NALCN: variants seen among roughly 807,000 people sequenced by gnomAD.
NALCN encodes the protein sodium leak channel NALCN.
NALCN carries 111 observed loss-of-function variants against 225.3 expected under a neutral mutation model. The ratio of observed to expected loss-of-function variants is 0.49; its 90% CI spans 0.42 to 0.58. The LOEUF (loss-of-function observed/expected upper bound fraction) is 0.58, where lower values mean the gene tolerates loss of function less well. Ranked by LOEUF, NALCN falls within the 20% of genes least tolerant of loss-of-function variation. NALCN has a pLI of 0.00. For missense variants in NALCN, 1,378 were observed against 2,202.4 expected (o/e 0.63, Z 7.49); for synonymous variants, 764 against 769.0 (o/e 0.99, Z 0.11).
chr13:101,136,944 C>T (rs2036829956), intron 17 of NALCN, among the ~76,000 whole-genome samples: 1 of 152,202 alleles, frequency 6.6e-6, no homozygotes, highest in African/African-American at 2.4e-5. Flanking sequence ...TCCTATTTCT[C>T]CACATCCTCT....
intron 7 of NALCN, among the ~76,000 whole-genome samples, chr13:101,307,733 C>T (rs1040711634): frequency 1.3e-5 from 2 of 152,112 alleles, no homozygotes; most frequent in African/African-American, 4.8e-5. Context: ...AGCAATAGTT[C>T]TTCTGTGCTT....
At chr13:101,167,262 T>G (rs536628742) in intron 15 of NALCN, among the ~76,000 whole-genome samples, 10 of 152,228 alleles carry the variant, frequency 6.6e-5, no homozygotes, top group Non-Finnish European at 1.5e-4. Context: ...TCATTGGAAT[T>G]TTACGAAAGA....
intron 18 of NALCN, among the ~76,000 whole-genome samples, chr13:101,112,067 A>G (rs568909544): frequency 1.3e-5 from 2 of 152,192 alleles, no homozygotes; most frequent in African/African-American, 2.4e-5. Flanking sequence ...AGCAAAAATG[A>G]GTCATAAAGA....
intron 3 of NALCN, among the ~76,000 whole-genome samples, chr13:101,383,330 A>C (rs2046900276): frequency 6.6e-6 from 1 of 152,138 alleles, no homozygotes; most frequent in African/African-American, 2.4e-5. Flanking sequence ...TGGTCTCTCC[A>C]ACTTATTGGA....
At chr13:101,163,902 G>T (rs1207198417) in intron 15 of NALCN, among the ~76,000 whole-genome samples, 1 of 152,164 alleles carries the variant, frequency 6.6e-6, no homozygotes, top group Non-Finnish European at 1.5e-5. Flanking sequence ...TCTACTCCAT[G>T]GGACTTTTCC....
intron 6 of NALCN, among the ~76,000 whole-genome samples, chr13:101,346,032 T>G (rs998074715): frequency 7.0e-6 from 1 of 142,806 alleles, no homozygotes. Flanking sequence ...TAATTGGTAA[T>G]ATATATATGA....
Position 101,104,069 on chromosome 13 carries a change from T to C in NALCN, c.2889+226A>G, listed in dbSNP as rs1470350047. Among the ~76,000 whole-genome samples, 4 of 152,194 alleles carry C rather than the reference T, an allele frequency of 2.6e-5. No homozygotes were observed. The highest frequency in any genetic ancestry group is 4.4e-5 in the Non-Finnish European group (3 of 68,046). On this transcript the variant is annotated intron_variant, in intron 25 of 43. Transcript: ENST00000251127. This position sits in a 1 kb window ranked among gnomAD's most constrained non-coding sequence, Gnocchi z 4.2. Reference sequence around the variant, plus strand: ...CATTCATACATAAAATTGTGATTAGTGTATTTGAACAATATAACTATCCAT... The same window carrying C: ...CATTCATACATAAAATTGTGATTAGCGTATTTGAACAATATAACTATCCAT...
At chr13:101,256,883 C>A (rs2042248526) in intron 11 of NALCN, among the ~76,000 whole-genome samples, 1 of 151,704 alleles carries the variant, frequency 6.6e-6, no homozygotes, top group Non-Finnish European at 1.5e-5. Context: ...CCTGCCTCAG[C>A]CTCCAGAGTA....
At chr13:101,398,493 T>C (rs1195463833) in intron 2 of NALCN, among the ~76,000 whole-genome samples, 2 of 152,200 alleles carry the variant, frequency 1.3e-5, no homozygotes, top group Non-Finnish European at 2.9e-5. Flanking sequence ...TGGCACACAG[T>C]CGTGCCTGGC....
At chr13:101,196,002 G>A (rs1788850275) in intron 13 of NALCN, among the ~76,000 whole-genome samples, 2 of 152,032 alleles carry the variant, frequency 1.3e-5, no homozygotes, top group South Asian at 4.1e-4. Context: ...TGTTTCCTAT[G>A]AAAACATTGC....
intron 3 of NALCN, among the ~76,000 whole-genome samples, chr13:101,387,039 G>A (rs2047008016): frequency 6.6e-6 from 1 of 151,146 alleles, no homozygotes; most frequent in African/African-American, 2.4e-5. Flanking sequence ...GGCTAACAAG[G>A]TGAAACCCCG....
chr13:101,187,156 G>A (rs990998074), intron 14 of NALCN, among the ~76,000 whole-genome samples: 3 of 152,176 alleles, frequency 2.0e-5, no homozygotes, highest in African/African-American at 7.2e-5. Context: ...GAGACAGAGA[G>A]AGAATGCGTA....
chr13:101,107,983 G>A (rs2035229007), intron 20 of NALCN, among the ~76,000 whole-genome samples, 194 bp from the exon 21 acceptor site: 1 of 147,456 alleles, frequency 6.8e-6, no homozygotes. Context: ...TATACTAAAT[G>A]TATATATTTA....
chr13:101,381,871 T>C (rs1315967193), intron 3 of NALCN, among the ~76,000 whole-genome samples: 1 of 152,016 alleles, frequency 6.6e-6, no homozygotes, highest in African/African-American at 2.4e-5. Flanking sequence ...AAAAGAAAAG[T>C]ATCACTTCAT....
Position 101,107,514 on chromosome 13 carries a change from C to T in NALCN, c.2552G>A (p.Arg851Gln), listed in dbSNP as rs201701394. Residue 851 changes from arginine (R) to glutamine (Q), a missense_variant, in exon 22 of 44, where the codon CGG becomes CAG. By Grantham distance (43) the Arg-to-Gln change is conservative. Coordinates refer to ENST00000251127, the MANE Select transcript of NALCN (RefSeq NM_052867.4). ...GREHRFRNFC[R>Q]VVVRARFNAS... ...GTTGAAGCGTGCTCGGACCACCACC[C>T]GGCAAAAGTTTCTGAACCTGTGTTC... is the stretch of plus-strand genomic sequence containing the variant. 1.9e-5 allele frequency: 30 copies of T among 1,614,144 alleles called. No individual in the cohort carries two copies. The highest frequency in any genetic ancestry group is 1.0e-4 in the Admixed American group (6 of 60,022).
chr13:101,152,377 T>C (rs1335129197), intron 15 of NALCN, among the ~76,000 whole-genome samples: 2 of 152,166 alleles, frequency 1.3e-5, no homozygotes, highest in African/African-American at 4.8e-5. Flanking sequence ...GTTTGTTGGT[T>C]TGGGAGCTCA....
chr13:101,206,199 C>T (rs1180674563), intron 13 of NALCN, among the ~76,000 whole-genome samples: 4 of 151,942 alleles, frequency 2.6e-5, no homozygotes, highest in Non-Finnish European at 5.9e-5. Flanking sequence ...CACCCAATTC[C>T]TGCCTTCCTC....
At chr13:101,083,408 A>C (rs1329002035) in intron 31 of NALCN, among the ~76,000 whole-genome samples, 1 of 152,254 alleles carries the variant, frequency 6.6e-6, no homozygotes, top group Non-Finnish European at 1.5e-5. Flanking sequence ...GGAGAAGTGC[A>C]TCATTCAATT....
At chr13:101,316,968 C>A (rs1415867) in intron 7 of NALCN, among the ~76,000 whole-genome samples, 61,974 of 151,948 alleles carry the variant, frequency 0.41, 12,996 homozygotes, top group Middle Eastern at 0.47. Flanking sequence ...AAAAATAAAT[C>A]TATAATTACC....
Sources: allele counts gnomAD v4.1 joint callset (sites outside exome capture counted in the v4.1 genomes callset), GRCh38; gene constraint gnomAD v4.1.1; non-coding constraint Gnocchi (gnomAD v3.1); transcripts MANE v1.5; gene names NCBI Gene and HGNC (gene_info 2026-07-23, HGNC 2026-07-21).